Variants in CHST15 observed in about 807,000 individuals in gnomAD.
CHST15 encodes carbohydrate sulfotransferase 15, also known as B cell RAG associated protein (GALNAC4S-6ST).
In CHST15, 30 loss-of-function variants were observed where a neutral mutation model predicts 53.6. The ratio of observed to expected loss-of-function variants is 0.56; its 90% CI spans 0.42 to 0.76. The LOEUF is 0.76. CHST15 is among the 30% of genes least tolerant of loss of function. The pLI is 0.00. For synonymous variants in CHST15, 296 were observed against 289.8 expected (o/e 1.02, Z -0.22); for missense variants, 627 against 740.5 (o/e 0.85, Z 1.78).
intron 3 of CHST15, among the ~76,000 whole-genome samples, chr10:124,042,672 G>T (rs1947789691): frequency 6.6e-6 from 1 of 152,178 alleles, no homozygotes; most frequent in African/African-American, 2.4e-5. Context: ...AGGGCTGGAA[G>T]ATACCACCAC....
At chr10:124,010,537 G>A (rs1383377678) in intron 7 of CHST15, 198 bp from the exon 8 acceptor site, 8 of 985,350 alleles carry the variant, frequency 8.1e-6, no homozygotes, top group Admixed American at 6.1e-5. Context: ...AGGAAATTGC[G>A]AAGAAATTCT....
At chr10:124,039,476 A>C (rs917649070) in intron 4 of CHST15, among the ~76,000 whole-genome samples, 1 of 152,266 alleles carries the variant, frequency 6.6e-6, no homozygotes, top group Non-Finnish European at 1.5e-5. Context: ...AGCATACTCT[A>C]AGACTAAAAG....
chr10:124,021,258 G>C lies in CHST15; in HGVS notation c.1345C>G (p.Pro449Ala). The change falls in exon 6 of 8, where the codon CCT becomes GCT. Residue 449 changes from proline (P) to alanine (A), a missense_variant and splice_region_variant. Around this residue, in one of 3 missense-constraint regions of CHST15, gnomAD observed 279 missense variants for 371.6 expected, o/e 0.75. Coordinates refer to ENST00000435907, the MANE Select transcript of CHST15 (RefSeq NM_001270764.2). ...GTACGGGGGGGGGGGGTACACACAGGCATGGCGTTGTTGAGGGTGTTGTTG... is the reference window on the plus strand; with the variant it reads ...GTACGGGGGGGGGGGGTACACACAGCCATGGCGTTGTTGAGGGTGTTGTTG... ...VYNNTLNNAM[P>A]VRLQVGLYAV... is the part of the protein sequence containing the mutation. The C allele has an allele frequency of 1.3e-6, 2 of 1,598,410 alleles. No homozygotes were observed.
intron 1 of CHST15, among the ~76,000 whole-genome samples, chr10:124,063,440 T>C (rs1376828377): frequency 1.3e-5 from 2 of 152,160 alleles, no homozygotes; most frequent in Non-Finnish European, 2.9e-5. Flanking sequence ...TCTAGCTTTT[T>C]AGATAACAGA....
intron 5 of CHST15, among the ~76,000 whole-genome samples, chr10:124,022,070 C>T (rs1273825518): frequency 2.0e-5 from 3 of 152,198 alleles, no homozygotes; most frequent in Non-Finnish European, 4.4e-5. Context: ...TGCTGCCGCA[C>T]GGGAACTGAT....
intron 5 of CHST15, among the ~76,000 whole-genome samples, chr10:124,035,074 A>G: frequency 2.9e-5 from 4 of 137,054 alleles, no homozygotes; most frequent in South Asian, 2.5e-4. Context: ...TCCACCCCCT[A>G]ACAGGGACGC....
chr10:124,038,231 C>A (rs535554764), intron 5 of CHST15, among the ~76,000 whole-genome samples: 1 of 152,092 alleles, frequency 6.6e-6, no homozygotes, highest in Admixed American at 6.6e-5. Context: ...CTCAGCCTCC[C>A]GAGTAGCTGG....
At chr10:124,045,224 C>T (rs1414882646) in intron 2 of CHST15, among the ~76,000 whole-genome samples, 3 of 150,822 alleles carry the variant, frequency 2.0e-5, no homozygotes, top group South Asian at 4.2e-4. Context: ...ACAACACACA[C>T]GCACACACGG....
At chr10:124,086,245 A>G (rs192859890) in intron 1 of CHST15, among the ~76,000 whole-genome samples, 2 of 152,320 alleles carry the variant, frequency 1.3e-5, no homozygotes, top group Non-Finnish European at 2.9e-5. Context: ...ACTTCTACCA[A>G]GTACGTACCT....
At chr10:124,088,788 A>G (rs543358015) in intron 1 of CHST15, among the ~76,000 whole-genome samples, 1 of 152,288 alleles carries the variant, frequency 6.6e-6, no homozygotes, top group Admixed American at 6.5e-5. Flanking sequence ...CCCAACTCCC[A>G]TAGTTACAAT....
At chr10:124,083,663 T>A (rs1590371498) in intron 1 of CHST15, among the ~76,000 whole-genome samples, 1 of 152,290 alleles carries the variant, frequency 6.6e-6, no homozygotes, top group East Asian at 1.9e-4. Context: ...AATGTCAGGC[T>A]GATACTGTTC....
intron 1 of CHST15, among the ~76,000 whole-genome samples, chr10:124,084,349 G>A (rs559391971): frequency 1.3e-5 from 2 of 152,104 alleles, no homozygotes; most frequent in Non-Finnish European, 2.9e-5. Flanking sequence ...ACCTGCATTC[G>A]GTCCTCCCCT....
Position 124,010,348 on chromosome 10 carries a change from AAAG to A in CHST15, c.1496-12_1496-10del. 1 of 1,564,936 alleles carries A rather than the reference AAAG, an allele frequency of 6.4e-7. No individual in the cohort carries two copies. Among genetic ancestry groups the A allele is most frequent in the Non-Finnish European group, 8.7e-7 (1 of 1,155,662 alleles). On this transcript the variant is annotated splice_polypyrimidine_tract_variant and intron_variant, in intron 7 of 7. Coordinates refer to ENST00000435907, the MANE Select transcript of CHST15 (RefSeq NM_001270764.2). Reference sequence around the variant, plus strand: ...CTTCTCACTTAAGGGCCCTAGAATAAAAGAAGACGAGTCCCGTAAGGCAGGAGG... The same window carrying A: ...CTTCTCACTTAAGGGCCCTAGAATAAAAGACGAGTCCCGTAAGGCAGGAGG...
intron 1 of CHST15, among the ~76,000 whole-genome samples, chr10:124,052,561 T>C (rs1050094066): frequency 6.6e-6 from 1 of 152,218 alleles, no homozygotes; most frequent in Non-Finnish European, 1.5e-5. Flanking sequence ...ACAGATCACG[T>C]ACAGCACTGG....
rs555247313 is a variant in CHST15 at position 124,012,456 on chromosome 10, C to A, written c.1372G>T (p.Ala458Ser). The change falls in exon 7 of 8, where the codon GCT (alanine) becomes TCT (serine). Residue 458 changes from alanine to serine, a missense_variant. Physicochemically the swap from Ala to Ser is moderately conservative, Grantham distance 99. Transcript: ENST00000435907. ...CTGAGCCAGTCCAGAAGGTACACAG[C>A]ATAGAGCCCAACCTGGAGCCTCACC... ...MPVRLQVGLY[A>S]VYLLDWLSVF... 6.2e-7 allele frequency: 1 copy of A among 1,613,986 alleles called. No individual in the cohort carries two copies. Among genetic ancestry groups the A allele is most frequent in the African/African-American group, 1.3e-5 (1 of 75,030 alleles).
chr10:124,068,387 C>T (rs556366122), intron 1 of CHST15, among the ~76,000 whole-genome samples: 2 of 152,208 alleles, frequency 1.3e-5, no homozygotes, highest in African/African-American at 4.8e-5. Context: ...ATGGGAAGCA[C>T]CAAGCAAGGA....
intron 1 of CHST15, among the ~76,000 whole-genome samples, chr10:124,077,313 T>C (rs1949106275): frequency 6.6e-6 from 1 of 152,244 alleles, no homozygotes; most frequent in Non-Finnish European, 1.5e-5. Context: ...GCTGTTTCCA[T>C]GAGCCTGTTT....
intron 1 of CHST15, among the ~76,000 whole-genome samples, chr10:124,082,637 T>C (rs1949284254): frequency 6.6e-6 from 1 of 152,218 alleles, no homozygotes; most frequent in South Asian, 2.1e-4. Flanking sequence ...GGCCGCCTCA[T>C]TCATAAGAGC....
At chr10:124,054,634 T>C (rs1402568239) in intron 1 of CHST15, among the ~76,000 whole-genome samples, 4 of 152,156 alleles carry the variant, frequency 2.6e-5, no homozygotes, top group Non-Finnish European at 5.9e-5. Flanking sequence ...TGGGCAGACC[T>C]GCATTTCAAC....
Sources: allele counts gnomAD v4.1 joint callset (sites outside exome capture counted in the v4.1 genomes callset), GRCh38; gene constraint gnomAD v4.1.1; regional missense constraint gnomAD v4.1.1; transcripts MANE v1.5; gene names NCBI Gene and HGNC (gene_info 2026-07-23, HGNC 2026-07-21).